Variants in ZNF681 observed in about 807,000 individuals in gnomAD.
The protein encoded by ZNF681 is zinc finger protein 681, also known as hypothetical protein FLJ31526.
In ZNF681, 37 loss-of-function variants were observed where a neutral mutation model predicts 56.0. The observed-to-expected ratio is 0.66, with a 90% confidence interval of 0.51 to 0.87. The LOEUF is 0.87. Ranked by LOEUF, ZNF681 falls within the 40% of genes least tolerant of loss-of-function variation. The pLI, the probability that ZNF681 is intolerant of heterozygous loss-of-function variation, is 0.00. For missense variants in ZNF681, 741 were observed against 744.9 expected, an observed-to-expected ratio of 0.99 and a Z score of 0.06; for synonymous variants, 225 against 248.6, an observed-to-expected ratio of 0.91 and a Z score of 0.89.
chr19:23,745,194 T>G lies in ZNF681; in HGVS notation c.356A>C (p.Glu119Ala). The G allele has an allele frequency of 6.2e-7, 1 of 1,613,122 alleles. No homozygotes were observed. Residue 119 changes from glutamate to alanine, a missense_variant, in exon 4 of 4, where the codon GAG becomes GCG. Coordinates refer to ENST00000402377, the MANE Select transcript of ZNF681 (RefSeq NM_138286.3). Reference protein sequence around the residue: ...ENLQLSKSVDECKVQKGGYNG... With the variant: ...ENLQLSKSVDACKVQKGGYNG... ...ATAACCTCCTTTTTGCACTTTGCAC[T>G]CATCCACACTTTTACTTAACTGTAA...
Position 23,744,502 on chromosome 19 carries a change from A to C in ZNF681, c.1048T>G (p.Ser350Ala). The change falls in exon 4 of 4, where the codon TCC becomes GCC. Residue 350 changes from serine (S) to alanine (A), a missense_variant. Physicochemically the swap from Ser to Ala is moderately conservative, Grantham distance 99. Coordinates refer to ENST00000402377, the MANE Select transcript of ZNF681 (RefSeq NM_138286.3). ...ATCTTATGTCTGGTAAGGTGTGAGG[A>C]CTGGTTAAAGGCTTTGCCACATTCT... is the stretch of plus-strand genomic sequence containing the variant. ...CEECGKAFNQ[S>A]SHLTRHKIIH... 6.2e-7 allele frequency: 1 copy of C among 1,605,312 alleles called. No individual in the cohort carries two copies. The highest frequency in any genetic ancestry group is 8.5e-7 in the Non-Finnish European group (1 of 1,176,088).
Position 23,740,188 on chromosome 19 carries a change from T to C in ZNF681, c.*3424A>G, listed in dbSNP as rs554899516. On this transcript the variant is annotated 3_prime_UTR_variant, in exon 4 of 4. Coordinates refer to ENST00000402377, the MANE Select transcript of ZNF681 (RefSeq NM_138286.3). ...TTTAATTTAACTGATCAGAAAATTATATTGATATGCAAAATCTCCAGTTAA... is the reference window on the plus strand; with the variant it reads ...TTTAATTTAACTGATCAGAAAATTACATTGATATGCAAAATCTCCAGTTAA... 2.2e-4 allele frequency: 34 copies of C among 152,276 alleles called. No homozygotes were observed. Among genetic ancestry groups the C allele is most frequent in the African/African-American group, 7.0e-4 (29 of 41,570 alleles). 9.4% of individuals were successfully genotyped at this position (152,276 alleles called of 1,614,324 possible).
At position 23,744,039 on chromosome 19, in the gene ZNF681, T is replaced by C; in HGVS notation, c.1511A>G (p.Lys504Arg). ...GCCACATTCTTCACATTTGTAGGATTTCTCTCCAGTATGAATTCTCTTATG... is the reference window on the plus strand; with the variant it reads ...GCCACATTCTTCACATTTGTAGGATCTCTCTCCAGTATGAATTCTCTTATG... ...TTHKRIHTGE[K>R]SYKCEECGKA... The change falls in exon 4 of 4, where the codon AAA (lysine) becomes AGA (arginine). Residue 504 changes from lysine to arginine, a missense_variant. By Grantham distance (26) the Lys-to-Arg change is conservative. Coordinates refer to ENST00000402377, the MANE Select transcript of ZNF681 (RefSeq NM_138286.3). 2 of 1,613,122 alleles carry C rather than the reference T, an allele frequency of 1.2e-6. No homozygotes were observed. The highest frequency in any genetic ancestry group is 1.7e-6 in the Non-Finnish European group (2 of 1,179,778).
At chr19:23,758,322 G>A (rs930532596) in intron 1 of ZNF681, among the ~76,000 whole-genome samples, 1 of 152,202 alleles carries the variant, frequency 6.6e-6, no homozygotes, top group Non-Finnish European at 1.5e-5. Context: ...GCCTCCCAAA[G>A]TGCTGGAATT....
At position 23,740,167 on chromosome 19, in the gene ZNF681, AT is replaced by A. The variant is rs1348813376; in HGVS notation, c.*3444del. 2 of 152,156 alleles carry A rather than the reference AT, an allele frequency of 1.3e-5. No individual in the cohort carries two copies. Among genetic ancestry groups the A allele is most frequent in the African/African-American group, 2.4e-5 (1 of 41,450 alleles). The allele number at this position is 152,156 out of a possible 1,614,324, so 9.4% of individuals were successfully genotyped here. On this transcript the variant is annotated 3_prime_UTR_variant, in exon 4 of 4. Transcript: ENST00000402377. ...TGGACACTGTATGCTTTTTGTTTTAATTTAACTGATCAGAAAATTATATTGA... is the reference window on the plus strand; with the variant it reads ...TGGACACTGTATGCTTTTTGTTTTAATTAACTGATCAGAAAATTATATTGA...
At position 23,758,731 on chromosome 19, in the gene ZNF681, G is replaced by C. The variant is rs200940032; in HGVS notation, c.3+16C>G. ...CCCCTTCCCCTCTCTCGGGATGTCG[G>C]ACCCGACATTCTCACCATTTCTAGG... is the stretch of plus-strand genomic sequence containing the variant. On this transcript the variant is annotated intron_variant, in intron 1 of 3. Transcript: ENST00000402377. The C allele has an allele frequency of 2.5e-5, 41 of 1,614,214 alleles. No individual in the cohort carries two copies. The highest frequency in any genetic ancestry group is 3.0e-5 in the Non-Finnish European group (35 of 1,180,038).
chr19:23,744,003 T>A lies in ZNF681; in HGVS notation c.1547A>T (p.Tyr516Phe), dbSNP rs749575049. 1 of 1,613,092 alleles carries A rather than the reference T, an allele frequency of 6.2e-7. No homozygotes were observed. The highest frequency in any genetic ancestry group is 8.5e-7 in the Non-Finnish European group (1 of 1,179,914). ...YKCEECGKAF[Y>F]RSSKLTEHKK... ...ATGTTCAGTAAGTTTTGAGGATCGA[T>A]AGAAAGCTTTGCCACATTCTTCACA... Residue 516 changes from tyrosine to phenylalanine, a missense_variant, in exon 4 of 4, where the codon TAT (tyrosine) becomes TTT (phenylalanine). Transcript: ENST00000402377.
Position 23,744,282 on chromosome 19 carries a change from T to C in ZNF681, c.1268A>G (p.Gln423Arg). 1 of 1,613,718 alleles carries C rather than the reference T, an allele frequency of 6.2e-7. No homozygotes were observed. The highest frequency in any genetic ancestry group is 8.5e-7 in the Non-Finnish European group (1 of 1,179,856). The change falls in exon 4 of 4, where the codon CAG (glutamine) becomes CGG (arginine). Residue 423 changes from glutamine to arginine, a missense_variant. Coordinates refer to ENST00000402377, the MANE Select transcript of ZNF681 (RefSeq NM_138286.3). ...AGAAGCTTTGCCACATTTTTCACACTGGTAGGGTTTTTCTCCAGTATGAAT... is the reference window on the plus strand; with the variant it reads ...AGAAGCTTTGCCACATTTTTCACACCGGTAGGGTTTTTCTCCAGTATGAAT... ...KSIHTGEKPY[Q>R]CEKCGKASNQ...
chr19:23,744,103 A>G lies in ZNF681; in HGVS notation c.1447T>C (p.Cys483Arg), dbSNP rs751569276. 1.9e-6 allele frequency: 3 copies of G among 1,612,058 alleles called. No homozygotes were observed. Among genetic ancestry groups the G allele is most frequent in the African/African-American group, 2.7e-5 (2 of 74,866 alleles). ...TGEKPYKCEE[C>R]GKAFNQSSIL... ...GAGGACTGGTTAAAAGCTTTGCCAC[A>G]TTCTTCACATTTGTAGGGTTTCTCT... The change falls in exon 4 of 4, where the codon TGT becomes CGT. Residue 483 changes from cysteine (C) to arginine (R), a missense_variant. By Grantham distance (180) the Cys-to-Arg change is radical. Transcript: ENST00000402377.
intron 1 of ZNF681, among the ~76,000 whole-genome samples, chr19:23,758,123 C>T (rs1969151198): frequency 2.0e-5 from 3 of 152,210 alleles, no homozygotes; most frequent in South Asian, 2.1e-4. Context: ...TTTCTGCACA[C>T]ATCTATTTAT....
Position 23,740,017 on chromosome 19 carries a change from G to C in ZNF681, c.*3595C>G, listed in dbSNP as rs1968858713. The C allele has an allele frequency of 6.6e-6, 1 of 152,056 alleles. No individual in the cohort carries two copies. The highest frequency in any genetic ancestry group is 2.4e-5 in the African/African-American group (1 of 41,392). The allele number at this position is 152,056 out of a possible 1,614,324, so 9.4% of individuals were successfully genotyped here. The stretch of plus-strand genomic sequence containing the variant: ...TATACTGTAGAAAATTAAATTAAAA[G>C]TTTAATTTCTAAGATATATTTTCAA... On this transcript the variant is annotated 3_prime_UTR_variant, in exon 4 of 4. Coordinates refer to ENST00000402377, the MANE Select transcript of ZNF681 (RefSeq NM_138286.3).
Position 23,744,409 on chromosome 19 carries a change from G to A in ZNF681, c.1141C>T (p.Leu381Phe). Residue 381 changes from leucine (L) to phenylalanine (F), a missense_variant, in exon 4 of 4, where the codon CTT (leucine) becomes TTT (phenylalanine). Physicochemically the swap from Leu to Phe is conservative, Grantham distance 22. Coordinates refer to ENST00000402377, the MANE Select transcript of ZNF681 (RefSeq NM_138286.3). Reference protein sequence around the residue: ...CGKAFRQSSHLTTHKIIHTGE... With the variant: ...CGKAFRQSSHFTTHKIIHTGE... ...GTATGAATTATCTTATGTGTAGTAA[G>A]GTGTGAGGACTGCCTAAAGGCTTTG... The A allele has an allele frequency of 6.2e-7, 1 of 1,612,748 alleles. No individual in the cohort carries two copies. The highest frequency in any genetic ancestry group is 8.5e-7 in the Non-Finnish European group (1 of 1,179,536).
rs377618448 is a variant in ZNF681 at position 23,744,500 on chromosome 19, G to C, written c.1050C>G (p.Ser350=). 50 of 1,604,970 alleles carry C rather than the reference G, an allele frequency of 3.1e-5. No homozygotes were observed. Among genetic ancestry groups the C allele is most frequent in the Middle Eastern group, 1.7e-4 (1 of 6,060 alleles). Residue 350 remains serine, a synonymous_variant, in exon 4 of 4, where the codon TCC becomes TCG. Transcript: ENST00000402377. ...TTATCTTATGTCTGGTAAGGTGTGA[G>C]GACTGGTTAAAGGCTTTGCCACATT... ...CEECGKAFNQ[S]SHLTRHKIIH... is the part of the protein sequence containing the mutation.
At chr19:23,757,027 T>C (rs1599463030) in intron 1 of ZNF681, among the ~76,000 whole-genome samples, 1 of 152,080 alleles carries the variant, frequency 6.6e-6, no homozygotes, top group Admixed American at 6.6e-5. Flanking sequence ...TCCGCCACCA[T>C]GCCTGGCTAA....
At chr19:23,752,855 C>G (rs976226143) in intron 3 of ZNF681, among the ~76,000 whole-genome samples, 2 of 152,160 alleles carry the variant, frequency 1.3e-5, no homozygotes, top group Non-Finnish European at 2.9e-5. Flanking sequence ...GTCAATGCTT[C>G]TCTTTTAACA....
At position 23,739,399 on chromosome 19, in the gene ZNF681, A is replaced by G. The variant is rs1483828457; in HGVS notation, c.*4213T>C. 2 of 152,184 alleles carry G rather than the reference A, an allele frequency of 1.3e-5. No homozygotes were observed. Among genetic ancestry groups the G allele is most frequent in the Non-Finnish European group, 2.9e-5 (2 of 68,036 alleles). The allele number at this position is 152,184 out of a possible 1,614,324, so 9.4% of individuals were successfully genotyped here. A position where few individuals can be genotyped will look rare whatever the true frequency, so the allele number is the denominator to read the frequency against. On this transcript the variant is annotated 3_prime_UTR_variant, in exon 4 of 4. Coordinates refer to ENST00000402377, the MANE Select transcript of ZNF681 (RefSeq NM_138286.3). ...ACAGTTGAATAGGAGAAATAAGTTC[A>G]AAAAAGCTTTTGTACTGCATGGTGC...
chr19:23,749,621 A>G (rs1460850894), intron 3 of ZNF681, among the ~76,000 whole-genome samples: 2 of 151,862 alleles, frequency 1.3e-5, no homozygotes, highest in Non-Finnish European at 2.9e-5. Context: ...AAAAAAAAAA[A>G]AAAATTTGTA....
chr19:23,751,979 G>GC (rs1182260036), intron 3 of ZNF681, among the ~76,000 whole-genome samples: 2 of 152,152 alleles, frequency 1.3e-5, no homozygotes, highest in African/African-American at 4.8e-5. Context: ...GAGCCACTGC[G>GC]CCCGGCCTGA....
intron 3 of ZNF681, among the ~76,000 whole-genome samples, chr19:23,746,700 C>A (rs1283752129): frequency 6.6e-6 from 1 of 152,312 alleles, no homozygotes; most frequent in African/African-American, 2.4e-5. Context: ...CGTGAACATT[C>A]AGGTTGTACC....
Sources: allele counts gnomAD v4.1 joint callset (sites outside exome capture counted in the v4.1 genomes callset), GRCh38; gene constraint gnomAD v4.1.1; transcripts MANE v1.5; gene names NCBI Gene and HGNC (gene_info 2026-07-23, HGNC 2026-07-21).